Variants in R3HCC1L observed in about 807,000 individuals in gnomAD.
R3HCC1L encodes coiled-coil domain-containing protein R3HCC1L.
In R3HCC1L, 51 loss-of-function variants were observed where a neutral mutation model predicts 59.9. The ratio of observed to expected loss-of-function variants is 0.85; its 90% CI spans 0.68 to 1.07. R3HCC1L has a LOEUF of 1.07. R3HCC1L is among the 50% of genes least tolerant of loss of function. R3HCC1L has a pLI of 0.00. For missense variants in R3HCC1L, 965 were observed against 933.0 expected (o/e 1.03, Z -0.45); for synonymous variants, 322 against 315.2 (o/e 1.02, Z -0.23).
chr10:98,231,307 A>G (rs1856357174), intron 5 of R3HCC1L, among the ~76,000 whole-genome samples: 2 of 152,138 alleles, frequency 1.3e-5, no homozygotes, highest in African/African-American at 4.8e-5. Flanking sequence ...ACACTTTTTC[A>G]ACAGTTCCAT....
chr10:98,145,028 G>T (rs1328661363), intron 1 of R3HCC1L, among the ~76,000 whole-genome samples: 2 of 152,200 alleles, frequency 1.3e-5, no homozygotes, highest in Non-Finnish European at 2.9e-5. Context: ...TAAGGAGATA[G>T]GATTTGTTAA....
Position 98,236,100 on chromosome 10 carries a change from G to A in R3HCC1L, c.2205G>A (p.Gly735=). 2 of 1,613,944 alleles carry A rather than the reference G, an allele frequency of 1.2e-6. No individual in the cohort carries two copies. Among genetic ancestry groups the A allele is most frequent in the Non-Finnish European group, 8.5e-7 (1 of 1,179,922 alleles). The change falls in exon 9 of 10, where the codon GGG becomes GGA. Residue 735 remains glycine (G), a synonymous_variant. Transcript: ENST00000298999. ...LARRLVISAL[G]VRSKQSKTER... is the part of the protein sequence containing the mutation. Reference sequence around the variant, plus strand: ...GAAGGTTAGTCATCAGTGCCCTTGGGGTTCGAAGTAAGCAGAGCAAAACCG... The same window carrying A: ...GAAGGTTAGTCATCAGTGCCCTTGGAGTTCGAAGTAAGCAGAGCAAAACCG...
intron 4 of R3HCC1L, among the ~76,000 whole-genome samples, chr10:98,205,682 T>C (rs1852556984): frequency 6.6e-6 from 1 of 152,144 alleles, no homozygotes; most frequent in Admixed American, 6.5e-5. Context: ...TAATATAAAT[T>C]TATTATACTG....
rs202107855 is a variant in R3HCC1L, at chr10:98,221,728, A to G, written c.1786-9784A>G. On this transcript the variant is annotated intron_variant, in intron 5 of 9. Coordinates refer to ENST00000298999, the MANE Select transcript of R3HCC1L (RefSeq NM_001351015.2). ...ATTTCTGAGGGCTCTGTTCTGTTCC[A>G]TTGATCTATATGTCTGTTTTGGTAC... is the stretch of plus-strand genomic sequence containing the variant. Among the ~76,000 whole-genome samples the G allele has an allele frequency of 5.8e-4, 89 of 152,164 alleles. 1 individual carries two copies. The East Asian group carries it at 0.015, about 25-fold the overall frequency.
At chr10:98,213,061 A>G (rs1367295138) in intron 5 of R3HCC1L, among the ~76,000 whole-genome samples, 1 of 152,046 alleles carries the variant, frequency 6.6e-6, no homozygotes, top group Non-Finnish European at 1.5e-5. Context: ...GTCTCCCTAT[A>G]GTCTTTTGCA....
At chr10:98,167,221 C>T (rs1406794209) in intron 4 of R3HCC1L, among the ~76,000 whole-genome samples, 1 of 152,034 alleles carries the variant, frequency 6.6e-6, no homozygotes, top group East Asian at 1.9e-4. Context: ...CTTAAAGTAA[C>T]GTTGCTTTGA....
intron 4 of R3HCC1L, among the ~76,000 whole-genome samples, chr10:98,183,653 C>T (rs182591563): frequency 1.3e-5 from 2 of 152,104 alleles, no homozygotes; most frequent in East Asian, 3.9e-4. Context: ...TTTTCATTCT[C>T]TTGTCATGTT....
rs145569032 is a variant in R3HCC1L, at chr10:98,209,731, A to G, written c.1617A>G (p.Ile539Met). Reference protein sequence around the residue: ...KTEEQDDSGSIEFGVSFPDRE... With the variant: ...KTEEQDDSGSMEFGVSFPDRE... ...AAGAGCAAGATGACTCAGGGAGTAT[A>G]GAATTTGGTGTATCTTTTCCTGATA... Residue 539 changes from isoleucine (I) to methionine (M), a missense_variant, in exon 5 of 10, where the codon ATA becomes ATG. Transcript: ENST00000298999. 160 of 1,613,984 alleles carry G rather than the reference A, an allele frequency of 9.9e-5. No homozygotes were observed. Among genetic ancestry groups the G allele is most frequent in the Admixed American group, 4.0e-4 (24 of 60,010 alleles).
At chr10:98,212,251 C>T (rs1008041610) in intron 5 of R3HCC1L, among the ~76,000 whole-genome samples, 9 of 152,112 alleles carry the variant, frequency 5.9e-5, no homozygotes, top group Non-Finnish European at 1.3e-4. Context: ...TTTATTGCTC[C>T]AAACATACTT....
Position 98,208,371 on chromosome 10 carries a change from A to G in R3HCC1L, c.257A>G (p.Lys86Arg). The G allele has an allele frequency of 6.2e-7, 1 of 1,614,066 alleles. No homozygotes were observed. Among genetic ancestry groups the G allele is most frequent in the East Asian group, 2.2e-5 (1 of 44,882 alleles). ...AAGGAGCATAATTGTAGAGAAGAAA[A>G]GAAATCTTCAACAAAATTAAGAATG... ...DRKEHNCREEKKSSTKLRMDT... is the reference protein window; with the variant it reads ...DRKEHNCREERKSSTKLRMDT... Residue 86 changes from lysine to arginine, a missense_variant, in exon 5 of 10, where the codon AAG (lysine) becomes AGG (arginine). Physicochemically the swap from Lys to Arg is conservative, Grantham distance 26. Transcript: ENST00000298999.
intron 5 of R3HCC1L, among the ~76,000 whole-genome samples, chr10:98,215,460 T>C (rs1239702343): frequency 4.6e-5 from 7 of 152,204 alleles, no homozygotes; most frequent in Admixed American, 1.3e-4. Flanking sequence ...AATAAATTGG[T>C]TAAGATTTTC....
chr10:98,152,930 T>TGCCCGGCCAGTTGCCCC (rs1846391257), intron 1 of R3HCC1L, among the ~76,000 whole-genome samples: 1 of 149,490 alleles, frequency 6.7e-6, no homozygotes, highest in Non-Finnish European at 1.5e-5. Flanking sequence ...CCAGTCGCCC[T>TGCCCGGCCAGTTGCCCC]GTCCGGGAGA....
intron 2 of R3HCC1L, among the ~76,000 whole-genome samples, chr10:98,161,965 G>A (rs150154994): frequency 0.011 from 1,638 of 152,254 alleles, 39 homozygotes; most frequent in African/African-American, 0.037. Context: ...ATGGAAGACT[G>A]ACTTTTTAAT....
chr10:98,164,472 T>C (rs1336764053), intron 4 of R3HCC1L, among the ~76,000 whole-genome samples: 4 of 152,232 alleles, frequency 2.6e-5, no homozygotes, highest in African/African-American at 9.7e-5. Flanking sequence ...AGGATTTCAT[T>C]GTGGATGACT....
intron 1 of R3HCC1L, among the ~76,000 whole-genome samples, chr10:98,152,144 G>A (rs891461843): frequency 6.6e-6 from 1 of 152,214 alleles, no homozygotes; most frequent in Non-Finnish European, 1.5e-5. Flanking sequence ...TGGTGGAGAC[G>A]GGGTTTCGCT....
chr10:98,208,678 C>A lies in R3HCC1L; in HGVS notation c.564C>A (p.Phe188Leu). ...TCCAAAATGTGGAATTCTGTGACTT[C>A]AGTAGGCATGAACCTGATGGGGAAG... ...KPFQNVEFCD[F>L]SRHEPDGEAF... Residue 188 changes from phenylalanine (F) to leucine (L), a missense_variant, in exon 5 of 10, where the codon TTC (phenylalanine) becomes TTA (leucine). Transcript: ENST00000298999. The A allele has an allele frequency of 6.2e-7, 1 of 1,614,076 alleles. No individual in the cohort carries two copies. The highest frequency in any genetic ancestry group is 8.5e-7 in the Non-Finnish European group (1 of 1,180,014).
In R3HCC1L at chr10:98,170,857, A is replaced by C. The variant is rs139581192; in HGVS notation, c.-15+7460A>C. Among the ~76,000 whole-genome samples, 59 of 152,332 alleles carry C rather than the reference A, an allele frequency of 3.9e-4. No individual in the cohort carries two copies. In the East Asian group the frequency reaches 0.011, roughly 29 times the overall value. ...CTGCTTTCACTTATTATCTTTCTAA[A>C]ACTTTCTGGGTAGGGCTGGGGCAGA... On this transcript the variant is annotated intron_variant, in intron 4 of 9. Coordinates refer to ENST00000298999, the MANE Select transcript of R3HCC1L (RefSeq NM_001351015.2).
chr10:98,181,845 A>G (rs1849662638), intron 4 of R3HCC1L, among the ~76,000 whole-genome samples: 3 of 152,296 alleles, frequency 2.0e-5, no homozygotes, highest in Non-Finnish European at 2.9e-5. Flanking sequence ...TTCTTGTGCC[A>G]TGGTTTTCAG....
At chr10:98,239,038 C>T (rs895960569) in intron 9 of R3HCC1L, among the ~76,000 whole-genome samples, 1 of 152,176 alleles carries the variant, frequency 6.6e-6, no homozygotes, top group Non-Finnish European at 1.5e-5. Flanking sequence ...TAACTAGCTG[C>T]GTGGCCATGG....
Sources: gnomAD v4.1 joint callset for allele counts (sites outside exome capture counted in the v4.1 genomes callset) on GRCh38, gnomAD v4.1.1 for gene constraint, MANE v1.5 for transcripts, NCBI Gene and HGNC (gene_info 2026-07-23, HGNC 2026-07-21) for gene names.